Variants in EZH2 observed in about 807,000 individuals in gnomAD.
EZH2 encodes histone-lysine N-methyltransferase EZH2.
EZH2 carries 18 observed loss-of-function variants against 98.4 expected under a neutral mutation model. The observed-to-expected ratio is 0.18, with a 90% confidence interval of 0.13 to 0.27. The LOEUF is 0.27. EZH2 is among the 10% of genes least tolerant of loss of function. The pLI, the probability that EZH2 is intolerant of heterozygous loss-of-function variation, is 1.00. For missense variants in EZH2, 470 were observed against 935.1 expected (o/e 0.50, Z 6.49); for synonymous variants, 338 against 312.3 (o/e 1.08, Z -0.87).
intron 5 of EZH2, 139 bp from the exon 6 acceptor site, chr7:148,829,019 A>T: frequency 1.1e-6 from 1 of 871,450 alleles, no homozygotes; most frequent in African/African-American, 1.7e-5. Context: ...GGGGAGGAAA[A>T]GATAAGATCA....
intron 1 of EZH2, among the ~76,000 whole-genome samples, chr7:148,853,847 T>A (rs574861373): frequency 6.6e-6 from 1 of 152,196 alleles, no homozygotes; most frequent in Non-Finnish European, 1.5e-5. Context: ...TAATGGAAGA[T>A]GGGCTCTCAT....
rs1802619912 is a variant in EZH2, at chr7:148,810,129, G to A, written c.2029+204C>T. On this transcript the variant is annotated intron_variant, in intron 17 of 19. Coordinates refer to ENST00000320356, the MANE Select transcript of EZH2 (RefSeq NM_004456.5). ...CCACAGACAGCCGGGACTCCAGAGA[G>A]GCGGTTTCCTGCACATCTAGTCTAT... The A allele has an allele frequency of 1.6e-5, 7 of 447,756 alleles. No individual in the cohort carries two copies. In the East Asian group the frequency reaches 2.2e-4, roughly 14 times the overall value. 27.7% of individuals were successfully genotyped at this position (447,756 alleles called of 1,614,324 possible).
intron 17 of EZH2, among the ~76,000 whole-genome samples, 197 bp from the exon 18 acceptor site, chr7:148,809,587 A>G (rs549176130): frequency 6.6e-6 from 1 of 152,144 alleles, no homozygotes; most frequent in Non-Finnish European, 1.5e-5. Flanking sequence ...TTAATCACCT[A>G]TAATTCAAGA....
chr7:148,848,692 C>T (rs142006882), intron 1 of EZH2, among the ~76,000 whole-genome samples: 5 of 152,162 alleles, frequency 3.3e-5, no homozygotes, highest in East Asian at 1.9e-4. Context: ...GCAGTGTATA[C>T]GAACTTGAAT....
rs1422238479 is a variant in EZH2, at chr7:148,816,631, C to A, written c.1505+53G>T. 1.4e-5 allele frequency: 19 copies of A among 1,372,942 alleles called. No homozygotes were observed. In the South Asian group the frequency reaches 2.2e-4, roughly 16 times the overall value. 85.0% of individuals were successfully genotyped at this position (1,372,942 alleles called of 1,614,324 possible). A position where few individuals can be genotyped will look rare whatever the true frequency, so the allele number is the denominator to read the frequency against. On this transcript the variant is annotated intron_variant, in intron 12 of 19. Transcript: ENST00000320356. The stretch of plus-strand genomic sequence containing the variant: ...ACAACAGCCCTTAGGAAGGGCCTTG[C>A]CTGCAGTGTCTATCTATGTTGACTT...
At chr7:148,809,821 T>C (rs1802538612) in intron 17 of EZH2, among the ~76,000 whole-genome samples, 1 of 152,228 alleles carries the variant, frequency 6.6e-6, no homozygotes, top group Non-Finnish European at 1.5e-5. Context: ...ATCTTACATG[T>C]TAAGCCTACC....
intron 12 of EZH2, among the ~76,000 whole-genome samples, chr7:148,816,419 A>C (rs1280031054): frequency 1.3e-5 from 2 of 152,188 alleles, no homozygotes; most frequent in Admixed American, 1.3e-4. Context: ...AAGCTACTAA[A>C]TATGTTTTTC....
chr7:148,840,741 G>A (rs969175165), intron 3 of EZH2, among the ~76,000 whole-genome samples: 1 of 152,118 alleles, frequency 6.6e-6, no homozygotes, highest in Non-Finnish European at 1.5e-5. Context: ...CTAAGAGAAG[G>A]TAAGACAGAA....
At chr7:148,808,098 A>C (rs955128960) in intron 19 of EZH2, among the ~76,000 whole-genome samples, 10 of 152,326 alleles carry the variant, frequency 6.6e-5, no homozygotes, top group African/African-American at 2.4e-4. Flanking sequence ...TGACCATAGC[A>C]AAGAGGGCCA....
intron 3 of EZH2, among the ~76,000 whole-genome samples, chr7:148,834,384 T>C (rs1053729834): frequency 1.4e-4 from 20 of 144,118 alleles, no homozygotes; most frequent in South Asian, 4.3e-4. Flanking sequence ...CACACACACA[T>C]ATTAAATGTT....
chr7:148,838,469 G>C (rs2129482271), intron 3 of EZH2, among the ~76,000 whole-genome samples: 1 of 152,242 alleles, frequency 6.6e-6, no homozygotes, highest in East Asian at 1.9e-4. Context: ...AAGTACTGGA[G>C]ATCAGAAACA....
chr7:148,870,084 T>G (rs1819128582), intron 1 of EZH2, among the ~76,000 whole-genome samples: 1 of 152,170 alleles, frequency 6.6e-6, no homozygotes, highest in Admixed American at 6.5e-5. Flanking sequence ...TAGCATAACT[T>G]GAGTTCTCTA....
At chr7:148,874,597 A>AT (rs985478891) in intron 1 of EZH2, among the ~76,000 whole-genome samples, 14 of 151,992 alleles carry the variant, frequency 9.2e-5, no homozygotes, top group African/African-American at 3.1e-4. Context: ...TGCTTTATAT[A>AT]TTTTTTTCTT....
At position 148,817,990 on chromosome 7, in the gene EZH2, T is replaced by C; in HGVS notation, c.1127A>G (p.Asn376Ser). The C allele has an allele frequency of 6.2e-7, 1 of 1,614,168 alleles. No homozygotes were observed. Among genetic ancestry groups the C allele is most frequent in the African/African-American group, 1.3e-5 (1 of 75,038 alleles). ...GTCTGTATCCTTTGATTCCAGCACA[T>C]TAATGGTGGGGGTGCTGGGCCTGCT... is the stretch of plus-strand genomic sequence containing the variant. ...NSSRPSTPTI[N>S]VLESKDTDSD... is the part of the protein sequence containing the mutation. The change falls in exon 10 of 20, where the codon AAT (asparagine) becomes AGT (serine). Residue 376 changes from asparagine to serine, a missense_variant. Physicochemically the swap from Asn to Ser is conservative, Grantham distance 46. Transcript: ENST00000320356.
chr7:148,815,374 C>T (rs916417201), intron 13 of EZH2, 132 bp downstream of exon 13: 7 of 933,520 alleles, frequency 7.5e-6, no homozygotes, highest in Middle Eastern at 3.1e-4. Context: ...GTCCTCCATT[C>T]AAATTGGTTT....
intron 3 of EZH2, among the ~76,000 whole-genome samples, chr7:148,843,222 A>C (rs950454672): frequency 1.3e-4 from 20 of 151,870 alleles, no homozygotes; most frequent in African/African-American, 4.1e-4. Context: ...AAAAAAAAAA[A>C]AAAAAATTAG....
chr7:148,869,787 T>C (rs1819072982), intron 1 of EZH2, among the ~76,000 whole-genome samples: 2 of 152,218 alleles, frequency 1.3e-5, no homozygotes, highest in African/African-American at 4.8e-5. Context: ...TATTTATTCA[T>C]CTCATTCATG....
At chr7:148,811,031 C>T (rs1297190011) in intron 16 of EZH2, among the ~76,000 whole-genome samples, 1 of 151,992 alleles carries the variant, frequency 6.6e-6, no homozygotes, top group Non-Finnish European at 1.5e-5. Flanking sequence ...AGGTCCTTAT[C>T]AACTAGGTTG....
chr7:148,814,844 G>T (rs1584916156), intron 14 of EZH2, 70 bp downstream of exon 14: 3 of 1,533,674 alleles, frequency 2.0e-6, no homozygotes, highest in Non-Finnish European at 2.6e-6. Flanking sequence ...TCTTATTTTT[G>T]ATTTTTTAAA....
Sources: allele counts gnomAD v4.1 joint callset (sites outside exome capture counted in the v4.1 genomes callset), GRCh38; gene constraint gnomAD v4.1.1; transcripts MANE v1.5; gene names NCBI Gene and HGNC (gene_info 2026-07-23, HGNC 2026-07-21).